The following PDE6A variants were observed in gnomAD, a reference collection of about 807,000 sequenced individuals.
PDE6A encodes the protein phosphodiesterase 6A.
Under a neutral mutation model 106.3 loss-of-function variants are expected in PDE6A, and 84 were observed. The observed-to-expected ratio is 0.79, with a 90% CI of 0.66 to 0.95. The LOEUF (loss-of-function observed/expected upper bound fraction) is 0.95, where lower values mean the gene tolerates loss of function less well. Among genes scored for constraint, PDE6A ranks in the 40% least tolerant of loss-of-function variants. The pLI is 0.00. For missense variants in PDE6A, 1,052 were observed against 1,084.9 expected (o/e 0.97, Z 0.43); for synonymous variants, 394 against 386.6 (o/e 1.02, Z -0.23).
chr5:149,867,323 T>G, intron 19 of PDE6A: 1 of 314,818 alleles, frequency 3.2e-6, no homozygotes, highest in South Asian at 3.2e-5. Flanking sequence ...CTCTGTGCTG[T>G]TAGATTAGGG....
chr5:149,866,840 G>T (rs1463443167), intron 19 of PDE6A: 1 of 154,108 alleles, frequency 6.5e-6, no homozygotes, highest in Non-Finnish European at 1.4e-5. Context: ...GCAAAAAAAT[G>T]CACTGGAAGG....
intron 17 of PDE6A, among the ~76,000 whole-genome samples, chr5:149,874,831 CAT>C (rs1390088829): frequency 6.6e-6 from 1 of 152,082 alleles, no homozygotes; most frequent in Non-Finnish European, 1.5e-5. Flanking sequence ...GAAGACCAAA[CAT>C]ATATGTCTTC....
intron 6 of PDE6A, among the ~76,000 whole-genome samples, chr5:149,911,697 T>C (rs1427983865): frequency 6.6e-6 from 1 of 152,118 alleles, no homozygotes; most frequent in Non-Finnish European, 1.5e-5. Flanking sequence ...ATCTAGTTGA[T>C]TTATATTTTT....
chr5:149,939,523 G>A (rs754773491), intron 1 of PDE6A, among the ~76,000 whole-genome samples: 2 of 152,022 alleles, frequency 1.3e-5, no homozygotes, highest in East Asian at 3.9e-4. Context: ...CCTTAACAAC[G>A]ACAACAATAA....
At chr5:149,887,856 T>C (rs1752372949) in intron 13 of PDE6A, among the ~76,000 whole-genome samples, 1 of 152,126 alleles carries the variant, frequency 6.6e-6, no homozygotes, top group Admixed American at 6.5e-5. Flanking sequence ...CCCATACCTA[T>C]AAGTACCACC....
chr5:149,886,274 T>A lies in PDE6A; in HGVS notation c.1829A>T (p.Tyr610Phe). ...AGGGAGGCTGACTCACTTCATCTGG[T>A]AGAGGTTATTGGTGCCTCTGTGGTC... ...DIDHRGTNNL[Y>F]QMKSQNPLAK... Residue 610 changes from tyrosine (Y) to phenylalanine (F), a missense_variant, in exon 14 of 22, where the codon TAC (tyrosine) becomes TTC (phenylalanine). By Grantham distance (22) the Tyr-to-Phe change is conservative. Coordinates refer to ENST00000255266, the MANE Select transcript of PDE6A (RefSeq NM_000440.3). 1 of 1,611,266 alleles carries A rather than the reference T, an allele frequency of 6.2e-7. No homozygotes were observed. The highest frequency in any genetic ancestry group is 1.7e-4 in the Middle Eastern group (1 of 6,056).
chr5:149,891,779 G>A (rs887166272), intron 13 of PDE6A, among the ~76,000 whole-genome samples: 1 of 151,798 alleles, frequency 6.6e-6, no homozygotes, highest in Non-Finnish European at 1.5e-5. Context: ...CTTTAGCCTA[G>A]GCAACAGAGC....
At chr5:149,919,612 C>A (rs2113636183) in intron 5 of PDE6A, among the ~76,000 whole-genome samples, 1 of 152,280 alleles carries the variant, frequency 6.6e-6, no homozygotes, top group Non-Finnish European at 1.5e-5. Flanking sequence ...GGTAACTAGG[C>A]TTTTTCCACT....
intron 1 of PDE6A, 145 bp from the exon 2 acceptor site, chr5:149,934,863 C>T: frequency 2.5e-6 from 2 of 787,644 alleles, no homozygotes; most frequent in South Asian, 2.9e-5. Context: ...TGACATCTGT[C>T]ATGGAAGCTT....
chr5:149,908,593 TGTC>T (rs1327554561), intron 6 of PDE6A, among the ~76,000 whole-genome samples: 2 of 152,252 alleles, frequency 1.3e-5, no homozygotes, highest in African/African-American at 4.8e-5. Context: ...TAAATGTATT[TGTC>T]ATTTGCATTG....
chr5:149,937,236 G>A (rs1299906582), intron 1 of PDE6A, among the ~76,000 whole-genome samples: 1 of 152,204 alleles, frequency 6.6e-6, no homozygotes, highest in Non-Finnish European at 1.5e-5. Flanking sequence ...GTCCTCGTGA[G>A]GAACAGAAAG....
rs1369366259 is a variant in PDE6A, at chr5:149,860,394, C to G, written c.*501G>C. 6.6e-6 allele frequency: 1 copy of G among 152,654 alleles called. No homozygotes were observed. The highest frequency in any genetic ancestry group is 1.5e-5 in the Non-Finnish European group (1 of 68,444). 9.5% of individuals were successfully genotyped at this position (152,654 alleles called of 1,614,324 possible). On this transcript the variant is annotated 3_prime_UTR_variant, in exon 22 of 22. Transcript: ENST00000255266. Reference sequence around the variant, plus strand: ...TGAAAGTATAAGAACAAAAATGATTCTAAGCAAGCCAGTGAATCTGGCATT... The same window carrying G: ...TGAAAGTATAAGAACAAAAATGATTGTAAGCAAGCCAGTGAATCTGGCATT...
At chr5:149,915,196 G>A (rs564222497) in intron 5 of PDE6A, among the ~76,000 whole-genome samples, 189 bp from the exon 6 acceptor site, 4 of 151,682 alleles carry the variant, frequency 2.6e-5, no homozygotes, top group Admixed American at 6.6e-5. Flanking sequence ...CACCATGCCC[G>A]GCTAATTATT....
chr5:149,879,403 A>T (rs1228913450), intron 17 of PDE6A, among the ~76,000 whole-genome samples: 1 of 144,058 alleles, frequency 6.9e-6, no homozygotes, highest in South Asian at 2.3e-4. Context: ...TCGCTCTGAA[A>T]TTTTTTTTTT....
At position 149,882,786 on chromosome 5, in the gene PDE6A, G is replaced by A. The variant is rs189976826; in HGVS notation, c.2135+643C>T. On this transcript the variant is annotated intron_variant, in intron 17 of 21. Transcript: ENST00000255266. Reference sequence around the variant, plus strand: ...TCAAACTTTAATTCGGGCCGGGCATGATGGCTCACGCCTATAATCCCAGCA... The same window carrying A: ...TCAAACTTTAATTCGGGCCGGGCATAATGGCTCACGCCTATAATCCCAGCA... Among the ~76,000 whole-genome samples the A allele has an allele frequency of 1.3e-4, 20 of 152,278 alleles. 1 individual carries two copies. Among genetic ancestry groups the A allele is most frequent in the Admixed American group, 3.3e-4 (5 of 15,302 alleles).
At chr5:149,941,650 A>G (rs1754330472) in intron 1 of PDE6A, among the ~76,000 whole-genome samples, 1 of 152,214 alleles carries the variant, frequency 6.6e-6, no homozygotes, top group Non-Finnish European at 1.5e-5. Context: ...CCTGCATCTA[A>G]TTATGAAGAA....
chr5:149,914,200 T>C (rs1448161482), intron 6 of PDE6A, among the ~76,000 whole-genome samples: 1 of 152,176 alleles, frequency 6.6e-6, no homozygotes, highest in Non-Finnish European at 1.5e-5. Context: ...CCTGGTCCAC[T>C]GTAGCCCTCA....
At chr5:149,866,458 C>CA (rs924383446) in intron 19 of PDE6A, 1,873 of 461,044 alleles carry the variant, frequency 4.1e-3, no homozygotes, top group Middle Eastern at 6.0e-3. Context: ...GGAAACTGCA[C>CA]AAAAAAAAAG....
chr5:149,862,439 G>A (rs1034932834), intron 21 of PDE6A, among the ~76,000 whole-genome samples: 3 of 152,216 alleles, frequency 2.0e-5, no homozygotes, highest in Non-Finnish European at 2.9e-5. Context: ...TCAAACATCA[G>A]ACAGAAGGCT....
Sources: gnomAD v4.1 joint callset for allele counts (sites outside exome capture counted in the v4.1 genomes callset) on GRCh38, gnomAD v4.1.1 for gene constraint, MANE v1.5 for transcripts, NCBI Gene and HGNC (gene_info 2026-07-23, HGNC 2026-07-21) for gene names.